Variants in PCDH7 observed in about 807,000 individuals in gnomAD.
PCDH7 encodes protocadherin 7, also known as protocadherin-7.
A neutral mutation model predicts 58.9 loss-of-function variants in PCDH7; 17 were observed. The observed-to-expected ratio is 0.29, with a 90% confidence interval of 0.20 to 0.43. The LOEUF (loss-of-function observed/expected upper bound fraction) is 0.43. Among genes scored for constraint, PCDH7 ranks in the 20% least tolerant of loss-of-function variants. The probability of loss-of-function intolerance (pLI) is 1.00; values close to 1 mark genes in which losing one functional copy is unlikely to be tolerated. For synonymous variants in PCDH7, 664 were observed against 616.4 expected (o/e 1.08, Z -1.14); for missense variants, 1,274 against 1,441.0 (o/e 0.88, Z 1.88).
chr4:30,730,851 C>A, exon 2 of PCDH7: 1 of 1,524,378 alleles, frequency 6.6e-7, no homozygotes, highest in Non-Finnish European at 8.8e-7. Flanking sequence ...ACTCCGAAAC[C>A]TGCTGGAGCC....
chr4:30,810,741 G>A (rs369852034), intron 1 of PCDH7, among the ~76,000 whole-genome samples: 5 of 151,704 alleles, frequency 3.3e-5, no homozygotes, highest in African/African-American at 1.2e-4. Flanking sequence ...CTCCCAAGTA[G>A]CTGGGATTAC....
chr4:30,876,977 A>G (rs1317332570), intron 1 of PCDH7, among the ~76,000 whole-genome samples: 1 of 151,980 alleles, frequency 6.6e-6, no homozygotes, highest in African/African-American at 2.4e-5. Context: ...CATCGTTATG[A>G]TGAATAATTT....
chr4:30,884,062 A>G (rs926296664), intron 1 of PCDH7, among the ~76,000 whole-genome samples: 4 of 152,124 alleles, frequency 2.6e-5, no homozygotes, highest in African/African-American at 7.2e-5. Context: ...ATTTATTTTA[A>G]TATTACATAT....
At chr4:30,973,644 T>TA (rs1749795327) in intron 3 of PCDH7, among the ~76,000 whole-genome samples, 1 of 152,028 alleles carries the variant, frequency 6.6e-6, no homozygotes, top group African/African-American at 2.4e-5. Flanking sequence ...AAATACAGAA[T>TA]AAAACTCCAT....
At chr4:30,973,208 G>A (rs1376892241) in intron 3 of PCDH7, among the ~76,000 whole-genome samples, 1 of 152,146 alleles carries the variant, frequency 6.6e-6, no homozygotes, top group East Asian at 1.9e-4. Context: ...CCTCTAGATT[G>A]AACAGATTTT....
intron 3 of PCDH7, among the ~76,000 whole-genome samples, chr4:31,032,308 A>G (rs1323380274): frequency 6.6e-6 from 1 of 152,172 alleles, no homozygotes; most frequent in Non-Finnish European, 1.5e-5. Context: ...AGATTATTGC[A>G]TTTAAGAAAT....
intron 2 of PCDH7, among the ~76,000 whole-genome samples, chr4:30,923,616 C>A (rs1743463511): frequency 6.6e-6 from 1 of 152,030 alleles, no homozygotes; most frequent in Non-Finnish European, 1.5e-5. Flanking sequence ...AGAATGAGAT[C>A]CACCATTTTA....
chr4:30,723,548 C>T lies in PCDH7; in HGVS notation c.2126C>T (p.Thr709Ile), dbSNP rs1714100585. ...GACCGGGAACATCAGACCACATACA[C>T]TTTCAGAGTCAAGGCTGTGGATGGG... The change falls in exon 1 of 2, where the codon ACT becomes ATT. Residue 709 changes from threonine (T) to isoleucine (I), a missense_variant. This residue lies in a region of PCDH7 where 731 missense variants were observed against 881.9 expected (regional missense o/e 0.83). Coordinates refer to ENST00000361762, the Ensembl canonical transcript of PCDH7. This position sits in a 1 kb window ranked among gnomAD's most constrained non-coding sequence, Gnocchi z 4.6. 1 of 1,614,172 alleles carries T rather than the reference C, an allele frequency of 6.2e-7. No homozygotes were observed. Among genetic ancestry groups the T allele is most frequent in the Non-Finnish European group, 8.5e-7 (1 of 1,180,016 alleles).
chr4:30,731,210 G>C (rs1346084869), exon 2 of PCDH7: 13 of 935,694 alleles, frequency 1.4e-5, no homozygotes, highest in Non-Finnish European at 1.7e-5. Context: ...AATCTAAATT[G>C]ATCAATATTT....
chr4:30,773,289 T>C (rs553567195), intron 1 of PCDH7, among the ~76,000 whole-genome samples: 7 of 152,362 alleles, frequency 4.6e-5, no homozygotes, highest in Admixed American at 1.3e-4. Context: ...CCATGATTTC[T>C]GATTCCTGGT....
At chr4:30,884,196 A>T (rs765013416) in intron 1 of PCDH7, among the ~76,000 whole-genome samples, 3 of 152,136 alleles carry the variant, frequency 2.0e-5, no homozygotes, top group Admixed American at 2.0e-4. Flanking sequence ...AACACTGTAC[A>T]CACCATTTTT....
intron 1 of PCDH7, among the ~76,000 whole-genome samples, chr4:30,777,827 A>T (rs1330673558): frequency 6.6e-6 from 1 of 152,154 alleles, no homozygotes; most frequent in East Asian, 1.9e-4. Flanking sequence ...CTGAATAACA[A>T]CCTAAATCTT....
chr4:30,999,064 GAGC>G (rs1752138747), intron 3 of PCDH7, among the ~76,000 whole-genome samples: 1 of 152,058 alleles, frequency 6.6e-6, no homozygotes, highest in Admixed American at 6.6e-5. Flanking sequence ...ATATGTGATG[GAGC>G]AGAAAGAGCC....
At chr4:31,088,812 A>G (rs1285886925) in intron 3 of PCDH7, among the ~76,000 whole-genome samples, 1 of 152,100 alleles carries the variant, frequency 6.6e-6, no homozygotes, top group East Asian at 1.9e-4. Context: ...TTTTAAAAAT[A>G]AGTAACCGTA....
chr4:30,888,306 A>C (rs750973187), intron 1 of PCDH7, among the ~76,000 whole-genome samples: 1 of 152,150 alleles, frequency 6.6e-6, no homozygotes, highest in Non-Finnish European at 1.5e-5. Flanking sequence ...ACACACACAG[A>C]ATCTGATAAG....
chr4:30,776,169 C>T (rs1442060642), intron 1 of PCDH7: 1 of 152,170 alleles, frequency 6.6e-6, no homozygotes, highest in South Asian at 2.1e-4. Flanking sequence ...GAAAACTATA[C>T]TGAACTAAGT....
At chr4:30,994,015 T>C (rs1445763250) in intron 3 of PCDH7, among the ~76,000 whole-genome samples, 1 of 152,164 alleles carries the variant, frequency 6.6e-6, no homozygotes, top group African/African-American at 2.4e-5. Flanking sequence ...AAGACTGTAT[T>C]ATCAGTAAAC....
At chr4:31,074,594 C>T (rs1758816105) in intron 3 of PCDH7, among the ~76,000 whole-genome samples, 1 of 150,678 alleles carries the variant, frequency 6.6e-6, no homozygotes, top group Non-Finnish European at 1.5e-5. Flanking sequence ...ACCAACTTGG[C>T]TAACATGGTG....
At chr4:30,904,696 G>T (rs1740685755) in intron 1 of PCDH7, among the ~76,000 whole-genome samples, 1 of 152,130 alleles carries the variant, frequency 6.6e-6, no homozygotes. Flanking sequence ...GCTCGGCGTT[G>T]AATATATTTT....
Sources: gnomAD v4.1 joint callset for allele counts (sites outside exome capture counted in the v4.1 genomes callset) on GRCh38, gnomAD v4.1.1 for gene constraint, gnomAD v4.1.1 regional missense constraint, Gnocchi (gnomAD v3.1) non-coding constraint, MANE v1.5 for transcripts, NCBI Gene and HGNC (gene_info 2026-07-23, HGNC 2026-07-21) for gene names.